AOPEP: variants seen among roughly 807,000 people sequenced by gnomAD.
AOPEP encodes aminopeptidase O.
AOPEP carries 77 observed loss-of-function variants against 98.1 expected under a neutral mutation model. The ratio of observed to expected loss-of-function variants is 0.78; its 90% CI spans 0.65 to 0.95. The LOEUF (loss-of-function observed/expected upper bound fraction) is 0.95. Among genes scored for constraint, AOPEP ranks in the 40% least tolerant of loss-of-function variants. The pLI, the probability that AOPEP is intolerant of heterozygous loss-of-function variation, is 0.00. For synonymous variants in AOPEP, 346 were observed against 365.3 expected, an observed-to-expected ratio of 0.95 and a Z score of 0.60; for missense variants, 1,024 against 1,024.7, an observed-to-expected ratio of 1.00 and a Z score of 0.01.
At chr9:94,932,083 CCCTATACCATATT>C (rs1470165693) in intron 7 of AOPEP, 25 of 1,079,596 alleles carry the variant, frequency 2.3e-5, no homozygotes, top group African/African-American at 3.3e-5. Context: ...CTTCTCGGTT[CCCTATACCATATT>C]CCTGTCTTCA....
chr9:94,996,177 AAG>A (rs2061216370), intron 11 of AOPEP, among the ~76,000 whole-genome samples: 1 of 152,186 alleles, frequency 6.6e-6, no homozygotes, highest in Non-Finnish European at 1.5e-5. Context: ...ACAAAAAGTG[AAG>A]AGATTAGCAG....
chr9:94,763,014 A>T (rs1233144416), intron 2 of AOPEP: 1 of 340,068 alleles, frequency 2.9e-6, no homozygotes, highest in Non-Finnish European at 6.2e-6. Flanking sequence ...GTCTACATTT[A>T]TTAAAACTAA....
At chr9:94,850,378 G>C (rs2043402432) in intron 5 of AOPEP, among the ~76,000 whole-genome samples, 1 of 152,198 alleles carries the variant, frequency 6.6e-6, no homozygotes, top group South Asian at 2.1e-4. Flanking sequence ...CCTGTTGGCT[G>C]TTATAACCCA....
At chr9:94,736,862 A>T (rs1831891114) in intron 1 of AOPEP, among the ~76,000 whole-genome samples, 1 of 152,186 alleles carries the variant, frequency 6.6e-6, no homozygotes, top group South Asian at 2.1e-4. Flanking sequence ...GGGGACAGTG[A>T]CTGAACTTGC....
intron 5 of AOPEP, among the ~76,000 whole-genome samples, chr9:94,820,461 C>G (rs879634128): frequency 2.0e-5 from 3 of 152,194 alleles, no homozygotes; most frequent in Admixed American, 6.5e-5. Flanking sequence ...TTATCATTAT[C>G]CCCTAGATAT....
At chr9:94,784,311 TG>T (rs1282902472) in intron 3 of AOPEP, among the ~76,000 whole-genome samples, 5 of 152,264 alleles carry the variant, frequency 3.3e-5, no homozygotes, top group Non-Finnish European at 7.3e-5. Flanking sequence ...TAGGCATGAC[TG>T]ATGTGTAAAA....
chr9:94,800,917 G>A lies in AOPEP; in HGVS notation c.1279G>A (p.Ala427Thr). The A allele has an allele frequency of 1.9e-6, 3 of 1,614,154 alleles. No individual in the cohort carries two copies. The highest frequency in any genetic ancestry group is 2.5e-6 in the Non-Finnish European group (3 of 1,180,030). The change falls in exon 5 of 17, where the codon GCA becomes ACA. Residue 427 changes from alanine to threonine, a missense_variant. By Grantham distance (58) the Ala-to-Thr change is moderately conservative (BLOSUM62 0). This residue lies in a region of AOPEP where 566 missense variants were observed against 551.7 expected (regional missense o/e 1.03). Coordinates refer to ENST00000375315, the MANE Select transcript of AOPEP (RefSeq NM_001193329.3). Reference sequence around the variant, plus strand: ...GCTGATCCCTCCTTGCCTCTCAGCAGCACATTCTGTTCTGGGAGCACACCC... The same window carrying A: ...GCTGATCCCTCCTTGCCTCTCAGCAACACATTCTGTTCTGGGAGCACACCC... ...LRLIPPCLSA[A>T]HSVLGAHPFS... is the part of the protein sequence containing the mutation.
chr9:94,740,137 G>A (rs892891082), intron 1 of AOPEP, among the ~76,000 whole-genome samples: 1 of 152,128 alleles, frequency 6.6e-6, no homozygotes, highest in Non-Finnish European at 1.5e-5. Context: ...ATGGGCAGGA[G>A]CTTTTATTGG....
chr9:94,994,004 CTT>C (rs1038175018), intron 11 of AOPEP, among the ~76,000 whole-genome samples: 6 of 152,200 alleles, frequency 3.9e-5, no homozygotes, highest in Non-Finnish European at 8.8e-5. Context: ...AGCGCTTCCT[CTT>C]GTTTTTCTCT....
At chr9:94,921,499 A>T (rs1345729260) in intron 5 of AOPEP, among the ~76,000 whole-genome samples, 1 of 152,266 alleles carries the variant, frequency 6.6e-6, no homozygotes, top group Non-Finnish European at 1.5e-5. Flanking sequence ...ATCTAAAAAA[A>T]GAGGTTAAAT....
At chr9:95,110,947 G>A in the AOPEP span, 3 of 1,374,506 alleles carry the variant, frequency 2.2e-6, no homozygotes, top group East Asian at 2.7e-5. Context: ...AAGCAAAGTG[G>A]TTAATATCAT....
chr9:95,017,502 C>G (rs913229959), intron 13 of AOPEP, among the ~76,000 whole-genome samples: 1 of 152,162 alleles, frequency 6.6e-6, no homozygotes, highest in Non-Finnish European at 1.5e-5. Flanking sequence ...GTGTATGTGA[C>G]CCATCGTTGA....
Position 94,810,461 on chromosome 9 carries a change from C to T in AOPEP, c.1364+9459C>T, listed in dbSNP as rs146403236. On this transcript the variant is annotated intron_variant, in intron 5 of 16. Coordinates refer to ENST00000375315, the MANE Select transcript of AOPEP (RefSeq NM_001193329.3). ...TCCCGAGTAGATGAGATTACAGGTG[C>T]GCGCCACCACACCTGGCTCGTTTTT... is the stretch of plus-strand genomic sequence containing the variant. 3.5e-3 allele frequency among the ~76,000 whole-genome samples: 526 copies of T among 151,838 alleles called. 4 individuals are homozygous for T. Among genetic ancestry groups the T allele is most frequent in the Middle Eastern group, 0.024 (7 of 292 alleles).
At chr9:95,061,742 A>G (rs78985448) in intron 14 of AOPEP, among the ~76,000 whole-genome samples, 1,584 of 152,338 alleles carry the variant, frequency 0.01, 30 homozygotes, top group African/African-American at 0.037. Context: ...TTATTAACCA[A>G]AAGGTAAGAT....
At chr9:94,779,052 T>C (rs1378286426) in intron 3 of AOPEP, among the ~76,000 whole-genome samples, 2 of 151,924 alleles carry the variant, frequency 1.3e-5, no homozygotes, top group African/African-American at 4.8e-5. Context: ...ACACATTTAT[T>C]GTATATGTGC....
At chr9:95,131,986 A>G in the AOPEP span, among the ~76,000 whole-genome samples, 545 of 152,312 alleles carry the variant, frequency 3.6e-3, 2 homozygotes, top group African/African-American at 0.013. Flanking sequence ...AGATAAAGTA[A>G]TCTTTTGAAT....
In AOPEP at chr9:94,760,134, C is replaced by A; in HGVS notation, c.351C>A (p.Asp117Glu). The change falls in exon 2 of 17, where the codon GAC becomes GAA. Residue 117 changes from aspartate (D) to glutamate (E), a missense_variant. Around this residue, in one of 3 missense-constraint regions of AOPEP, gnomAD observed 440 missense variants for 433.8 expected, o/e 1.01. Coordinates refer to ENST00000375315, the MANE Select transcript of AOPEP (RefSeq NM_001193329.3). ...CTTCTGATAAAGATGGTAACCATGA[C>A]AACCAGGAACATGCTTCTGGGATTT... ...KDTSDKDGNH[D>E]NQEHASGISS... 1 of 1,614,198 alleles carries A rather than the reference C, an allele frequency of 6.2e-7. No individual in the cohort carries two copies. The highest frequency in any genetic ancestry group is 8.5e-7 in the Non-Finnish European group (1 of 1,180,026).
Position 94,956,854 on chromosome 9 carries a change from G to A in AOPEP, c.1872+839G>A, listed in dbSNP as rs549854893. Among the ~76,000 whole-genome samples, 3 of 152,344 alleles carry A rather than the reference G, an allele frequency of 2.0e-5. No individual in the cohort carries two copies. The South Asian group carries it at 6.2e-4, about 32-fold the overall frequency. On this transcript the variant is annotated intron_variant, in intron 9 of 16. Transcript: ENST00000375315. The stretch of plus-strand genomic sequence containing the variant: ...AGTCTCATTATCTCCAGTGTTAGAT[G>A]TAAAGGATGTGCACGTATAATTTGA...
chr9:94,883,963 G>T (rs1195228278), intron 5 of AOPEP, among the ~76,000 whole-genome samples: 1 of 152,082 alleles, frequency 6.6e-6, no homozygotes, highest in Non-Finnish European at 1.5e-5. Flanking sequence ...CAAACTTCTG[G>T]CCACCCCTTG....
Sources: gnomAD v4.1 joint callset for allele counts (sites outside exome capture counted in the v4.1 genomes callset) on GRCh38, gnomAD v4.1.1 for gene constraint, gnomAD v4.1.1 regional missense constraint, MANE v1.5 for transcripts, NCBI Gene and HGNC (gene_info 2026-07-23, HGNC 2026-07-21) for gene names.